KCNAB2: variants seen among roughly 807,000 people sequenced by gnomAD.
KCNAB2 encodes voltage-gated potassium channel subunit beta-2.
A neutral mutation model predicts 63.6 loss-of-function variants in KCNAB2; 29 were observed. The ratio of observed to expected loss-of-function variants is 0.46; its 90% CI spans 0.34 to 0.62. The LOEUF is 0.62. KCNAB2 is among the 20% of genes least tolerant of loss of function. KCNAB2 has a pLI of 0.01. For synonymous variants in KCNAB2, 222 were observed against 224.2 expected, an observed-to-expected ratio of 0.99 and a Z score of 0.09; for missense variants, 359 against 563.9, an observed-to-expected ratio of 0.64 and a Z score of 3.68.
At chr1:6,033,358 G>C (rs201264479), upstream of KCNAB2, among the ~76,000 whole-genome samples, 2 of 149,354 alleles carry the variant, frequency 1.3e-5, no homozygotes, top group Admixed American at 1.3e-4. Context: ...TGTGCGTGTG[G>C]GTGTGTGTGC....
At chr1:6,015,892 G>A (rs370836034) in intron 1 of KCNAB2, among the ~76,000 whole-genome samples, 16 of 152,154 alleles carry the variant, frequency 1.1e-4, no homozygotes, top group African/African-American at 3.9e-4. Context: ...TTTTTGTAGA[G>A]ACGGGGTTTT....
intron 3 of KCNAB2, 44 bp downstream of exon 3, chr1:6,072,842 TG>T: frequency 1.2e-6 from 2 of 1,601,508 alleles, no homozygotes; most frequent in South Asian, 2.2e-5. Flanking sequence ...AAACAGGCTG[TG>T]GGGAGGCCGG....
chr1:5,999,803 C>T (rs114669977), intron 1 of KCNAB2, among the ~76,000 whole-genome samples: 23 of 152,172 alleles, frequency 1.5e-4, no homozygotes, highest in Admixed American at 1.2e-3. Flanking sequence ...CCATCTGCAC[C>T]GTGTCTGCAC....
intron 1 of KCNAB2, among the ~76,000 whole-genome samples, chr1:5,993,897 A>G (rs1173644372): frequency 1.3e-5 from 2 of 152,156 alleles, no homozygotes; most frequent in Non-Finnish European, 2.9e-5. Context: ...GGGCCACCTT[A>G]GGAACCAGAC....
At chr1:6,008,944 G>A (rs1228431859) in intron 1 of KCNAB2, among the ~76,000 whole-genome samples, 1 of 152,216 alleles carries the variant, frequency 6.6e-6, no homozygotes, top group Non-Finnish European at 1.5e-5. Flanking sequence ...CCATTCCTCT[G>A]GGAGCAGCCT....
At chr1:6,097,044 G>A (rs1014804291) in intron 14 of KCNAB2, among the ~76,000 whole-genome samples, 1 of 152,182 alleles carries the variant, frequency 6.6e-6, no homozygotes, top group Non-Finnish European at 1.5e-5. Flanking sequence ...GATGGGGAGC[G>A]CTAAGCACTT....
At chr1:6,085,060 C>T in intron 5 of KCNAB2, 144 bp from the exon 6 acceptor site, 1 of 796,970 alleles carries the variant, frequency 1.3e-6, no homozygotes, top group Non-Finnish European at 2.2e-6. Flanking sequence ...GAATGAGCTA[C>T]TGAGCCAAGG....
At chr1:6,034,889 T>C (rs1437000089) in intron 1 of KCNAB2, 1 of 152,356 alleles carries the variant, frequency 6.6e-6, no homozygotes, top group Non-Finnish European at 1.5e-5. Context: ...AACTCCCTGC[T>C]TTCCCGGAGC....
intron 7 of KCNAB2, 89 bp from the exon 8 acceptor site, chr1:6,088,919 C>A: frequency 8.0e-7 from 1 of 1,247,226 alleles, no homozygotes; most frequent in Non-Finnish European, 1.1e-6. Context: ...CCTGTTTTTG[C>A]GTCTAACATT....
chr1:6,022,242 T>TAC (rs1658882412), intron 1 of KCNAB2, among the ~76,000 whole-genome samples: 1 of 150,646 alleles, frequency 6.6e-6, no homozygotes, highest in South Asian at 2.1e-4. Context: ...ATCCAGTGGG[T>TAC]AGTTCAGTGG....
At chr1:6,044,898 G>A (rs1441260504), upstream of KCNAB2, among the ~76,000 whole-genome samples, 1 of 152,158 alleles carries the variant, frequency 6.6e-6, no homozygotes, top group Admixed American at 6.5e-5. Flanking sequence ...GAGACAGAAA[G>A]GGACAGAGAG....
At chr1:6,045,002 C>A (rs548808056), upstream of KCNAB2, among the ~76,000 whole-genome samples, 3 of 152,274 alleles carry the variant, frequency 2.0e-5, no homozygotes, top group South Asian at 6.2e-4. This position sits in a 1 kb window ranked among gnomAD's most constrained non-coding sequence, Gnocchi z 4.8. Flanking sequence ...CCGACCAGGG[C>A]GACATGTGGG....
chr1:6,090,608 G>A, intron 9 of KCNAB2, 133 bp downstream of exon 9: 2 of 663,630 alleles, frequency 3.0e-6, no homozygotes, highest in Non-Finnish European at 5.2e-6. Flanking sequence ...CCGGGTCCAG[G>A]GTGGGGGGCG....
rs1289446965 is a variant in KCNAB2 at position 6,099,800 on chromosome 1, G to A, written c.*1226G>A. The A allele has an allele frequency of 6.0e-6, 9 of 1,511,384 alleles. No homozygotes were observed. Among genetic ancestry groups the A allele is most frequent in the Non-Finnish European group, 8.0e-6 (9 of 1,127,506 alleles). The allele number at this position is 1,511,384 out of a possible 1,614,324, so 93.6% of individuals were successfully genotyped here. A position where few individuals can be genotyped will look rare whatever the true frequency, so the allele number is the denominator to read the frequency against. On this transcript the variant is annotated 3_prime_UTR_variant, in exon 16 of 16. Transcript: ENST00000378083. ...GCAGGGCTGGTTAGCCCCTCCCACT[G>A]CCTGACACCTGGGACAGGCTGGGCA...
chr1:6,008,833 G>A (rs1230608568), intron 1 of KCNAB2, among the ~76,000 whole-genome samples: 1 of 152,124 alleles, frequency 6.6e-6, no homozygotes, highest in African/African-American at 2.4e-5. Context: ...GAGGTCACCT[G>A]GGGGACTTGT....
At chr1:6,053,659 G>A (rs982686874) in intron 2 of KCNAB2, among the ~76,000 whole-genome samples, 1 of 152,106 alleles carries the variant, frequency 6.6e-6, no homozygotes, top group African/African-American at 2.4e-5. Flanking sequence ...GATGCAGGAG[G>A]GGCCAGACCC....
At position 6,079,538 on chromosome 1, in the gene KCNAB2, CCA is replaced by C. The variant is rs1325160918; in HGVS notation, c.301-2656_301-2655del. On this transcript the variant is annotated intron_variant, in intron 4 of 15. Coordinates refer to ENST00000378083, the MANE Select transcript of KCNAB2 (RefSeq NM_001199862.2). Reference sequence around the variant, plus strand: ...CATCTCCCAAAAAAAAAAAATAACCCCAGTCTTGGATATTCTGGACATGTGAT... The same window carrying C: ...CATCTCCCAAAAAAAAAAAATAACCCGTCTTGGATATTCTGGACATGTGAT... Among the ~76,000 whole-genome samples the C allele has an allele frequency of 2.0e-5, 3 of 152,184 alleles. No homozygotes were observed. The East Asian group carries it at 5.8e-4, about 29-fold the overall frequency.
At position 6,002,656 on chromosome 1, in the gene KCNAB2, G is replaced by A. The variant is rs570528402; in HGVS notation, c.-53+9868G>A. 1.4e-4 allele frequency among the ~76,000 whole-genome samples: 21 copies of A among 152,246 alleles called. No individual in the cohort carries two copies. The South Asian group carries it at 3.1e-3, about 23-fold the overall frequency. ...TGAACTGCAGAAACCATCCCAGCACGTCCCCATCAGGTGTTCCCAGGTGGC... is the reference window on the plus strand; with the variant it reads ...TGAACTGCAGAAACCATCCCAGCACATCCCCATCAGGTGTTCCCAGGTGGC... On this transcript the variant is annotated intron_variant, in intron 1 of 16. Transcript: ENST00000341524.
rs1052470981 is a variant in KCNAB2 at position 6,100,246 on chromosome 1, T to A, written c.*1672T>A. Reference sequence around the variant, plus strand: ...GGGGAGGAGGGGGATCAGCTTCTGCTATTACCGACCCCCCTTCATGCTGCC... The same window carrying A: ...GGGGAGGAGGGGGATCAGCTTCTGCAATTACCGACCCCCCTTCATGCTGCC... On this transcript the variant is annotated 3_prime_UTR_variant, in exon 16 of 16. Coordinates refer to ENST00000378083, the MANE Select transcript of KCNAB2 (RefSeq NM_001199862.2). 1 of 652,756 alleles carries A rather than the reference T, an allele frequency of 1.5e-6. No homozygotes were observed. The highest frequency in any genetic ancestry group is 4.5e-4 in the Middle Eastern group (1 of 2,226). The allele number at this position is 652,756 out of a possible 1,614,324, so 40.4% of individuals were successfully genotyped here. A position where few individuals can be genotyped will look rare whatever the true frequency, so the allele number is the denominator to read the frequency against.
Sources: gnomAD v4.1 joint callset for allele counts (sites outside exome capture counted in the v4.1 genomes callset) on GRCh38, gnomAD v4.1.1 for gene constraint, Gnocchi (gnomAD v3.1) non-coding constraint, MANE v1.5 for transcripts, NCBI Gene and HGNC (gene_info 2026-07-23, HGNC 2026-07-21) for gene names.